Variants in DSCAML1 observed in about 807,000 individuals in gnomAD.
DSCAML1 encodes DS cell adhesion molecule like 1.
Under a neutral mutation model 200.5 loss-of-function variants are expected in DSCAML1, and 38 were observed. The ratio of observed to expected loss-of-function variants is 0.19; its 90% CI spans 0.15 to 0.25. The LOEUF is 0.25. Among genes scored for constraint, DSCAML1 ranks in the 10% least tolerant of loss-of-function variants. The pLI, the probability that DSCAML1 is intolerant of heterozygous loss-of-function variation, is 1.00. For missense variants in DSCAML1, 2,223 were observed against 2,858.8 expected, an observed-to-expected ratio of 0.78 and a Z score of 5.07; for synonymous variants, 1,215 against 1,165.0, an observed-to-expected ratio of 1.04 and a Z score of -0.87.
At position 117,463,937 on chromosome 11, in the gene DSCAML1, A is replaced by T. The variant is rs2048529727; in HGVS notation, c.3265+1005T>A. Among the ~76,000 whole-genome samples the T allele has an allele frequency of 6.6e-6, 1 of 152,232 alleles. No homozygotes were observed. Among genetic ancestry groups the T allele is most frequent in the South Asian group, 2.1e-4 (1 of 4,830 alleles). On this transcript the variant is annotated intron_variant, in intron 17 of 32. Coordinates refer to ENST00000651296, the MANE Select transcript of DSCAML1 (RefSeq NM_020693.4). This position sits in a 1 kb window ranked among gnomAD's most constrained non-coding sequence, Gnocchi z 4.0. ...GCCAGCGTTAGGAACCATTGGTATGAGCGAATCTACTTTCAGGTGTTTCTG... is the reference window on the plus strand; with the variant it reads ...GCCAGCGTTAGGAACCATTGGTATGTGCGAATCTACTTTCAGGTGTTTCTG...
intron 3 of DSCAML1, among the ~76,000 whole-genome samples, chr11:117,598,712 A>G (rs1421531048): frequency 6.6e-6 from 1 of 152,102 alleles, no homozygotes; most frequent in East Asian, 1.9e-4. Flanking sequence ...GAAGGAGGGG[A>G]AAAAGGGAGC....
intron 3 of DSCAML1, among the ~76,000 whole-genome samples, chr11:117,756,696 GA>G (rs1210688130): frequency 3.9e-5 from 6 of 152,160 alleles, no homozygotes; most frequent in Non-Finnish European, 7.3e-5. Context: ...CCAGTGATCA[GA>G]AAGAGCCAAC....
At chr11:117,533,693 G>A (rs1460129837) in intron 3 of DSCAML1, among the ~76,000 whole-genome samples, 1 of 152,036 alleles carries the variant, frequency 6.6e-6, no homozygotes, top group East Asian at 1.9e-4. Flanking sequence ...TGCCACACAA[G>A]ACCCCCCACT....
chr11:117,764,103 C>A (rs766478234), intron 3 of DSCAML1, among the ~76,000 whole-genome samples: 4 of 152,122 alleles, frequency 2.6e-5, no homozygotes, highest in Non-Finnish European at 5.9e-5. Context: ...TGGCACGGTG[C>A]CTCCAAATGT....
intron 3 of DSCAML1, among the ~76,000 whole-genome samples, chr11:117,553,800 G>C (rs1217926516): frequency 2.6e-5 from 4 of 152,236 alleles, no homozygotes; most frequent in Non-Finnish European, 4.4e-5. Flanking sequence ...AGAAGTGTCT[G>C]GGTATACACC....
intron 2 of DSCAML1, among the ~76,000 whole-genome samples, chr11:117,779,795 G>A (rs1024099708): frequency 2.6e-5 from 4 of 152,176 alleles, no homozygotes; most frequent in Admixed American, 1.3e-4. Context: ...CTTGAGGAAC[G>A]CTTCTAAGGT....
chr11:117,575,839 AAAC>A (rs1802276472), intron 3 of DSCAML1, among the ~76,000 whole-genome samples: 1 of 95,280 alleles, frequency 1.0e-5, no homozygotes, highest in Non-Finnish European at 2.2e-5. Flanking sequence ...CCAAAAACAA[AAAC>A]AACCCAAAAC....
At chr11:117,809,449 C>T (rs2055737563) in intron 1 of DSCAML1, among the ~76,000 whole-genome samples, 1 of 152,242 alleles carries the variant, frequency 6.6e-6, no homozygotes, top group South Asian at 2.1e-4. Context: ...AAGGAAGCTC[C>T]AGGCCTCCGC....
chr11:117,704,346 G>A (rs1260146209), intron 3 of DSCAML1, among the ~76,000 whole-genome samples: 4 of 152,220 alleles, frequency 2.6e-5, no homozygotes, highest in South Asian at 2.1e-4. Flanking sequence ...CCAACAAGGT[G>A]AGTCAAAGTA....
At chr11:117,694,861 G>A (rs977802594) in intron 3 of DSCAML1, among the ~76,000 whole-genome samples, 1 of 152,234 alleles carries the variant, frequency 6.6e-6, no homozygotes, top group Non-Finnish European at 1.5e-5. Context: ...TATGAATAAA[G>A]CCCAGGGTGC....
intron 3 of DSCAML1, among the ~76,000 whole-genome samples, chr11:117,609,135 G>A (rs1331034163): frequency 6.6e-6 from 1 of 151,660 alleles, no homozygotes; most frequent in Non-Finnish European, 1.5e-5. Context: ...GGAGGCAGAT[G>A]TTGCAGTGAG....
chr11:117,607,657 C>T (rs903444982), intron 3 of DSCAML1, among the ~76,000 whole-genome samples: 85 of 152,268 alleles, frequency 5.6e-4, no homozygotes, highest in African/African-American at 2.0e-3. Context: ...GGTGGAAGGG[C>T]CTGGCTCTCA....
At chr11:117,699,706 G>T (rs978280216) in intron 3 of DSCAML1, among the ~76,000 whole-genome samples, 2 of 152,202 alleles carry the variant, frequency 1.3e-5, no homozygotes, top group African/African-American at 4.8e-5. Context: ...GGCTCTGAAG[G>T]CTCCCCCAAC....
intron 3 of DSCAML1, among the ~76,000 whole-genome samples, chr11:117,696,547 T>C (rs1467727529): frequency 6.6e-6 from 1 of 152,208 alleles, no homozygotes; most frequent in Non-Finnish European, 1.5e-5. Context: ...ACCATCTTCC[T>C]GGGGAGGCCG....
At chr11:117,522,015 A>G (rs1049010124) in intron 5 of DSCAML1, among the ~76,000 whole-genome samples, 6 of 152,182 alleles carry the variant, frequency 3.9e-5, no homozygotes, top group African/African-American at 1.4e-4. Context: ...ATGGCATTTG[A>G]GGCCCTCAAG....
intron 14 of DSCAML1, among the ~76,000 whole-genome samples, chr11:117,474,997 T>C (rs1352878946): frequency 1.3e-5 from 2 of 152,082 alleles, no homozygotes; most frequent in East Asian, 3.9e-4. Flanking sequence ...CCTCGTGATC[T>C]GCCCACCTTG....
At chr11:117,512,637 C>T (rs1037413694) in intron 8 of DSCAML1, among the ~76,000 whole-genome samples, 22 of 140,348 alleles carry the variant, frequency 1.6e-4, no homozygotes, top group Non-Finnish European at 2.7e-4. Flanking sequence ...TGCATGCAAG[C>T]GTGTGTACAC....
chr11:117,724,548 G>C (rs2054091596), intron 3 of DSCAML1, among the ~76,000 whole-genome samples: 1 of 152,204 alleles, frequency 6.6e-6, no homozygotes, highest in Admixed American at 6.5e-5. Flanking sequence ...TCAGATGCCG[G>C]CTAACTTTAT....
At chr11:117,757,939 G>A (rs1225264631) in intron 3 of DSCAML1, among the ~76,000 whole-genome samples, 4 of 152,094 alleles carry the variant, frequency 2.6e-5, no homozygotes, top group South Asian at 2.1e-4. Flanking sequence ...GCAGTGAGCC[G>A]AGATGGCGCC....
Sources: allele counts gnomAD v4.1 joint callset (sites outside exome capture counted in the v4.1 genomes callset), GRCh38; gene constraint gnomAD v4.1.1; non-coding constraint Gnocchi (gnomAD v3.1); transcripts MANE v1.5; gene names NCBI Gene and HGNC (gene_info 2026-07-23, HGNC 2026-07-21).